The following TMPRSS11F variants were observed in gnomAD, a reference collection of about 807,000 sequenced individuals.
TMPRSS11F encodes transmembrane protease serine 11F.
Under a neutral mutation model 60.2 loss-of-function variants are expected in TMPRSS11F, and 47 were observed. That is an observed-to-expected ratio of 0.78 (90% CI 0.62 to 1.00). TMPRSS11F has a LOEUF of 1.00. Ranked by LOEUF, TMPRSS11F falls within the 50% of genes least tolerant of loss-of-function variation. The probability of loss-of-function intolerance (pLI) is 0.00; values close to 1 mark genes in which losing one functional copy is unlikely to be tolerated. For synonymous variants in TMPRSS11F, 166 were observed against 167.3 expected (o/e 0.99, Z 0.06); for missense variants, 519 against 522.9 (o/e 0.99, Z 0.07).
chr4:68,067,832 G>A (rs1194548767), intron 7 of TMPRSS11F, among the ~76,000 whole-genome samples: 1 of 152,198 alleles, frequency 6.6e-6, no homozygotes, highest in East Asian at 1.9e-4. Context: ...TGCAGAAGTA[G>A]TGCCACTGGC....
chr4:68,128,399 A>G (rs1724755351), intron 1 of TMPRSS11F, among the ~76,000 whole-genome samples: 1 of 152,138 alleles, frequency 6.6e-6, no homozygotes, highest in Admixed American at 6.6e-5. Flanking sequence ...GTACCCCATA[A>G]ATACGTAGAA....
chr4:68,062,989 G>A (rs903914847), intron 8 of TMPRSS11F: 9 of 696,796 alleles, frequency 1.3e-5, no homozygotes, highest in Non-Finnish European at 1.9e-5. Context: ...ACTGACATGC[G>A]GATGTACTTT....
At chr4:68,068,520 A>G in intron 7 of TMPRSS11F, 98 bp downstream of exon 7, 1 of 1,016,070 alleles carries the variant, frequency 9.8e-7, no homozygotes, top group East Asian at 2.4e-5. Flanking sequence ...TGAATGGAGC[A>G]AAGGTTAAAC....
rs1723790531 is a variant in TMPRSS11F, at chr4:68,085,324, T to C, written c.282+5199A>G. 5.9e-5 allele frequency among the ~76,000 whole-genome samples: 9 copies of C among 151,890 alleles called. No individual in the cohort carries two copies. The South Asian group carries it at 1.7e-3, about 28-fold the overall frequency. On this transcript the variant is annotated intron_variant, in intron 3 of 9. Coordinates refer to ENST00000356291, the MANE Select transcript of TMPRSS11F (RefSeq NM_207407.2). ...GGAATCGCCACACTGACTTCCACAA[T>C]GGTTGAACTAGTTTACAGTCCCACC... is the stretch of plus-strand genomic sequence containing the variant.
intron 1 of TMPRSS11F, among the ~76,000 whole-genome samples, chr4:68,115,442 T>C (rs373925814): frequency 1.3e-5 from 2 of 151,084 alleles, no homozygotes; most frequent in African/African-American, 2.4e-5. Flanking sequence ...CTATAGCTAA[T>C]ATATGCAATG....
chr4:68,089,328 A>G (rs77105676), intron 3 of TMPRSS11F, among the ~76,000 whole-genome samples: 2,096 of 152,304 alleles, frequency 0.014, 58 homozygotes, highest in African/African-American at 0.047. Context: ...GGATGCAAGA[A>G]GCAATGGATC....
chr4:68,072,229 A>AT (rs58429597), intron 5 of TMPRSS11F, 94 bp downstream of exon 5: 7,928 of 113,632 alleles, frequency 0.07, 708 homozygotes, highest in Admixed American at 0.2. Flanking sequence ...TCCAAAAAAA[A>AT]AATATATATA....
At chr4:68,062,675 A>C in intron 8 of TMPRSS11F, 1 of 761,312 alleles carries the variant, frequency 1.3e-6, no homozygotes, top group Non-Finnish European at 2.4e-6. Context: ...CTTTCTTCTC[A>C]TGCTGCTTTT....
rs1215568788 is a variant in TMPRSS11F at position 68,072,224 on chromosome 4, AAAAAAAAT to A, written c.514+91_514+98del. On this transcript the variant is annotated intron_variant, in intron 5 of 9. Coordinates refer to ENST00000356291, the MANE Select transcript of TMPRSS11F (RefSeq NM_207407.2). ...TTATATATATATATATATCTTCCAA[AAAAAAAAT>A]ATATATATATATATATATTGCTTAC... 8.2e-4 allele frequency: 33 copies of A among 40,406 alleles called. 5 individuals carry two copies. Among genetic ancestry groups the A allele is most frequent in the South Asian group, 4.6e-3 (5 of 1,084 alleles). 2.5% of individuals were successfully genotyped at this position (40,406 alleles called of 1,614,324 possible).
chr4:68,089,296 C>A (rs1723878938), intron 3 of TMPRSS11F, among the ~76,000 whole-genome samples: 1 of 152,094 alleles, frequency 6.6e-6, no homozygotes, highest in Admixed American at 6.6e-5. Flanking sequence ...GAGGGCATAT[C>A]TTACTATATC....
intron 2 of TMPRSS11F, among the ~76,000 whole-genome samples, chr4:68,093,470 T>G (rs935052672): frequency 3.9e-5 from 6 of 152,154 alleles, no homozygotes; most frequent in African/African-American, 1.4e-4. Flanking sequence ...GCCATTATCA[T>G]TCAGGACACA....
chr4:68,066,177 C>A (rs949303765), intron 7 of TMPRSS11F, among the ~76,000 whole-genome samples: 29 of 150,348 alleles, frequency 1.9e-4, no homozygotes, highest in Middle Eastern at 3.5e-3. Context: ...TATTTCACTT[C>A]TTTAGAGATT....
chr4:68,057,547 C>G (rs1577907424), intron 9 of TMPRSS11F, among the ~76,000 whole-genome samples: 1 of 151,892 alleles, frequency 6.6e-6, no homozygotes, highest in East Asian at 1.9e-4. Flanking sequence ...CAAAACAAAA[C>G]AACAATTAAT....
chr4:68,056,208 A>T (rs1349092468), intron 9 of TMPRSS11F, among the ~76,000 whole-genome samples: 3 of 152,210 alleles, frequency 2.0e-5, no homozygotes, highest in Non-Finnish European at 4.4e-5. Flanking sequence ...AATAGAAGAC[A>T]TTCTAATAGA....
rs1022989274 is a variant in TMPRSS11F, at chr4:68,079,046, C to T, written c.283-5037G>A. Among the ~76,000 whole-genome samples the T allele has an allele frequency of 9.4e-5, 7 of 74,612 alleles. 1 individual carries two copies. The highest frequency in any genetic ancestry group is 2.9e-4 in the Non-Finnish European group (7 of 24,226). 48.9% of individuals were successfully genotyped at this position (74,612 alleles called of 152,430 possible). Reference sequence around the variant, plus strand: ...CCATAGTCCCCCAATGCATCAACCTCTATTTAAAAAATGGCATATTCTGGT... The same window carrying T: ...CCATAGTCCCCCAATGCATCAACCTTTATTTAAAAAATGGCATATTCTGGT... On this transcript the variant is annotated intron_variant, in intron 3 of 9. Transcript: ENST00000356291.
At chr4:68,125,613 C>T (rs1163800224) in intron 1 of TMPRSS11F, among the ~76,000 whole-genome samples, 2 of 152,116 alleles carry the variant, frequency 1.3e-5, no homozygotes, top group Non-Finnish European at 2.9e-5. Context: ...CTTGTACGAT[C>T]CAAGGGTATA....
At chr4:68,059,493 C>A (rs1723112883) in intron 8 of TMPRSS11F, 25 bp from the exon 9 acceptor site, 2 of 1,594,876 alleles carry the variant, frequency 1.3e-6, no homozygotes, top group Non-Finnish European at 1.7e-6. Flanking sequence ...GATAAAAAAA[C>A]AAATAAACAG....
At chr4:68,082,130 A>G (rs759502482) in intron 3 of TMPRSS11F, among the ~76,000 whole-genome samples, 5 of 152,150 alleles carry the variant, frequency 3.3e-5, no homozygotes, top group African/African-American at 1.2e-4. Flanking sequence ...TGGCAACCCT[A>G]TGTGGTCTTG....
chr4:68,061,200 T>C (rs1326790396), intron 8 of TMPRSS11F, among the ~76,000 whole-genome samples: 1 of 152,178 alleles, frequency 6.6e-6, no homozygotes, highest in African/African-American at 2.4e-5. Flanking sequence ...TTTACAAAAT[T>C]AGCACATCAT....
Sources: gnomAD v4.1 joint callset for allele counts (sites outside exome capture counted in the v4.1 genomes callset) on GRCh38, gnomAD v4.1.1 for gene constraint, MANE v1.5 for transcripts, NCBI Gene and HGNC (gene_info 2026-07-23, HGNC 2026-07-21) for gene names.